SLC43A2: variants seen among roughly 807,000 people sequenced by gnomAD.
SLC43A2 encodes large neutral amino acids transporter small subunit 4.
Under a neutral mutation model 63.2 loss-of-function variants are expected in SLC43A2, and 38 were observed. The observed-to-expected ratio is 0.60, with a 90% CI of 0.46 to 0.79. SLC43A2 has a LOEUF of 0.79. Among genes scored for constraint, SLC43A2 ranks in the 30% least tolerant of loss-of-function variants. The pLI is 0.00. For synonymous variants in SLC43A2, 322 were observed against 331.0 expected (o/e 0.97, Z 0.30); for missense variants, 644 against 756.2 (o/e 0.85, Z 1.74).
intron 9 of SLC43A2, among the ~76,000 whole-genome samples, chr17:1,587,878 A>G (rs1904365305): frequency 6.6e-6 from 1 of 152,210 alleles, no homozygotes; most frequent in Non-Finnish European, 1.5e-5. Context: ...CACCCGACCC[A>G]TCTGGCCAGC....
chr17:1,598,420 C>CAA (rs58628614), intron 5 of SLC43A2, among the ~76,000 whole-genome samples: 6 of 121,902 alleles, frequency 4.9e-5, no homozygotes, highest in Admixed American at 8.6e-5. Context: ...GACTCTGTCT[C>CAA]AAAAAAAAAA....
At chr17:1,623,529 C>T (rs945254081) in intron 2 of SLC43A2, among the ~76,000 whole-genome samples, 16 of 152,146 alleles carry the variant, frequency 1.1e-4, no homozygotes, top group East Asian at 3.9e-4. Flanking sequence ...CTGGCTTCCT[C>T]CTGTCTTGGG....
rs1906540705 is a variant in SLC43A2, at chr17:1,605,660, A to G, written c.501+7535T>C. Among the ~76,000 whole-genome samples the G allele has an allele frequency of 6.6e-6, 1 of 152,022 alleles. No homozygotes were observed. The highest frequency in any genetic ancestry group is 2.4e-5 in the African/African-American group (1 of 41,402). On this transcript the variant is annotated intron_variant, in intron 5 of 13. Transcript: ENST00000301335. This position sits in a 1 kb window ranked among gnomAD's most constrained non-coding sequence, Gnocchi z 4.9. The stretch of plus-strand genomic sequence containing the variant: ...GCATTCTGGCCCTCGGGTCCCCTCC[A>G]GAGGGAGCCTTGTCCCCAAGTGGCT...
intron 9 of SLC43A2, among the ~76,000 whole-genome samples, chr17:1,587,327 T>C (rs1263126316): frequency 6.6e-6 from 1 of 152,250 alleles, no homozygotes; most frequent in Admixed American, 6.5e-5. Context: ...TCAGGGTCCC[T>C]GTCACCACAC....
chr17:1,576,814 G>C (rs779992632), intron 12 of SLC43A2, 94 bp from the exon 13 acceptor site: 14 of 1,474,182 alleles, frequency 9.5e-6, no homozygotes, highest in Non-Finnish European at 1.3e-5. Flanking sequence ...GTTGGTGCCA[G>C]AGAAGGGTGG....
chr17:1,628,200 G>A (rs922883236), intron 1 of SLC43A2: 9 of 237,118 alleles, frequency 3.8e-5, no homozygotes, highest in African/African-American at 1.1e-4. Flanking sequence ...AGGCATGGAG[G>A]CAAGAAGGGG....
chr17:1,585,679 C>T (rs1481982986), intron 10 of SLC43A2: 5 of 1,456,414 alleles, frequency 3.4e-6, no homozygotes, highest in Middle Eastern at 1.8e-4. Context: ...TGAGTCACCG[C>T]ACCTGGCCTC....
intron 5 of SLC43A2, 32 bp downstream of exon 5, chr17:1,613,163 G>C (rs767776435): frequency 1.3e-6 from 2 of 1,569,516 alleles, no homozygotes; most frequent in Non-Finnish European, 1.8e-6. Context: ...ACAGATTACT[G>C]AACTACAGAG....
chr17:1,576,375 C>T (rs899030211), intron 13 of SLC43A2, among the ~76,000 whole-genome samples: 2 of 152,232 alleles, frequency 1.3e-5, no homozygotes, highest in South Asian at 4.2e-4. Flanking sequence ...TGAGCCACCG[C>T]GCCCGGCCCA....
At chr17:1,595,840 A>G (rs6502818) in intron 5 of SLC43A2, among the ~76,000 whole-genome samples, 1 of 152,012 alleles carries the variant, frequency 6.6e-6, no homozygotes, top group Non-Finnish European at 1.5e-5. Flanking sequence ...GCCTCCCAAA[A>G]TAAATAATTT....
chr17:1,609,391 G>C (rs575105052), intron 5 of SLC43A2, among the ~76,000 whole-genome samples: 2 of 152,076 alleles, frequency 1.3e-5, no homozygotes, highest in South Asian at 4.2e-4. Flanking sequence ...TAGTAGAGAC[G>C]GGGTTTCACC....
Position 1,583,297 on chromosome 17 carries a change from C to T in SLC43A2, c.1257G>A (p.Gln419=). The part of the protein sequence containing the change: ...KKKKKRDRQI[Q]KITNAMRAFA... The stretch of plus-strand genomic sequence containing the variant: ...AGGCCCGCATGGCATTAGTGATCTT[C>T]TGGATCTGCCGGTCCCGCTTCTTCT... The change falls in exon 11 of 14, where the codon CAG becomes CAA. Residue 419 remains glutamine (Q), a synonymous_variant. Transcript: ENST00000301335. This position sits in a 1 kb window ranked among gnomAD's most constrained non-coding sequence, Gnocchi z 5.5. 1 of 1,614,186 alleles carries T rather than the reference C, an allele frequency of 6.2e-7. No individual in the cohort carries two copies. Among genetic ancestry groups the T allele is most frequent in the Non-Finnish European group, 8.5e-7 (1 of 1,180,030 alleles).
intron 8 of SLC43A2, 40 bp downstream of exon 8, chr17:1,591,229 A>G: frequency 4.4e-6 from 7 of 1,593,232 alleles, no homozygotes; most frequent in Non-Finnish European, 6.0e-6. Flanking sequence ...CCCACAGAGC[A>G]CTCCCTGCCC....
chr17:1,578,296 C>T lies in SLC43A2; in HGVS notation c.1378G>A (p.Val460Met), dbSNP rs749336392. ...QILSFILHTIVRGFIHSAVGG... is the reference protein window; with the variant it reads ...QILSFILHTIMRGFIHSAVGG... Reference sequence around the variant, plus strand: ...ACAGCGGAGTGGATGAATCCTCGCACGATTGTGTGCAGGATGAAGGAGAGG... The same window carrying T: ...ACAGCGGAGTGGATGAATCCTCGCATGATTGTGTGCAGGATGAAGGAGAGG... Residue 460 changes from valine to methionine, a missense_variant, in exon 12 of 14, where the codon GTG becomes ATG. Transcript: ENST00000301335. This position sits in a 1 kb window ranked among gnomAD's most constrained non-coding sequence, Gnocchi z 6.5. 9.9e-6 allele frequency: 16 copies of T among 1,613,828 alleles called. No individual in the cohort carries two copies. The highest frequency in any genetic ancestry group is 7.7e-5 in the South Asian group (7 of 91,078).
At chr17:1,588,826 C>T (rs753920205) in intron 9 of SLC43A2, among the ~76,000 whole-genome samples, 9 of 152,218 alleles carry the variant, frequency 5.9e-5, no homozygotes, top group Non-Finnish European at 1.0e-4. Flanking sequence ...GCAGAGTCAC[C>T]GGTCAGCGGC....
intron 13 of SLC43A2, among the ~76,000 whole-genome samples, chr17:1,575,973 G>A (rs1218250537): frequency 1.3e-5 from 2 of 152,166 alleles, no homozygotes; most frequent in African/African-American, 4.8e-5. Context: ...GGGCCCCCAG[G>A]AAACACGGGC....
rs201399080 is a variant in SLC43A2, at chr17:1,579,153, AT to A, written c.1351-831del. 6.4e-3 allele frequency among the ~76,000 whole-genome samples: 914 copies of A among 142,082 alleles called. 8 individuals are homozygous for A. Among genetic ancestry groups the A allele is most frequent in the African/African-American group, 0.015 (567 of 38,428 alleles). 93.2% of individuals were successfully genotyped at this position (142,082 alleles called of 152,430 possible). On this transcript the variant is annotated intron_variant, in intron 11 of 13. Transcript: ENST00000301335. Reference sequence around the variant, plus strand: ...GACTCTGTCTCAAAAAAAAAAAATAATAATAATAATAATAATTAAATTATAA... The same window carrying A: ...GACTCTGTCTCAAAAAAAAAAAATAAAATAATAATAATAATTAAATTATAA...
intron 2 of SLC43A2, among the ~76,000 whole-genome samples, chr17:1,619,962 G>A (rs9908061): frequency 0.17 from 25,287 of 152,154 alleles, 2,224 homozygotes; most frequent in South Asian, 0.22. Flanking sequence ...GAGTGGGTGA[G>A]GCAGCACTGC....
intron 2 of SLC43A2, among the ~76,000 whole-genome samples, chr17:1,624,252 C>CA (rs1346863041): frequency 1.3e-5 from 2 of 152,172 alleles, no homozygotes; most frequent in Non-Finnish European, 2.9e-5. Context: ...GCCTGGGCAA[C>CA]ATGGTGAAAC....
Sources: gnomAD v4.1 joint callset for allele counts (sites outside exome capture counted in the v4.1 genomes callset) on GRCh38, gnomAD v4.1.1 for gene constraint, Gnocchi (gnomAD v3.1) non-coding constraint, MANE v1.5 for transcripts, NCBI Gene and HGNC (gene_info 2026-07-23, HGNC 2026-07-21) for gene names.